The following PDZRN3 variants were observed in gnomAD, a reference collection of about 807,000 sequenced individuals.
PDZRN3 encodes the protein E3 ubiquitin-protein ligase PDZRN3.
A neutral mutation model predicts 85.7 loss-of-function variants in PDZRN3; 38 were observed. The observed-to-expected ratio is 0.44, with a 90% confidence interval of 0.34 to 0.58. PDZRN3 has a LOEUF of 0.58. PDZRN3 is among the 20% of genes least tolerant of loss of function. PDZRN3 has a pLI of 0.01. For missense variants in PDZRN3, 1,629 were observed against 1,506.4 expected, an observed-to-expected ratio of 1.08 and a Z score of -1.35; for synonymous variants, 759 against 638.0, an observed-to-expected ratio of 1.19 and a Z score of -2.86.
At chr3:73,554,980 G>GA (rs1254401318) in intron 3 of PDZRN3, among the ~76,000 whole-genome samples, 3 of 152,200 alleles carry the variant, frequency 2.0e-5, no homozygotes, top group Non-Finnish European at 2.9e-5. Flanking sequence ...GCAGGGAAGG[G>GA]ACCAGATTCC....
intron 3 of PDZRN3, among the ~76,000 whole-genome samples, chr3:73,441,290 G>A (rs1369161375): frequency 6.6e-6 from 1 of 151,244 alleles, no homozygotes; most frequent in African/African-American, 2.4e-5. Flanking sequence ...GAGCATGCCT[G>A]TAATCCCAGC....
intron 1 of PDZRN3, among the ~76,000 whole-genome samples, chr3:73,610,486 A>T (rs1193111027): frequency 6.6e-6 from 1 of 152,214 alleles, no homozygotes; most frequent in African/African-American, 2.4e-5. Flanking sequence ...AATCAACCTA[A>T]TAGTTTTGAG....
chr3:73,408,301 A>G (rs113211545), intron 3 of PDZRN3: 2 of 687,750 alleles, frequency 2.9e-6, no homozygotes, highest in South Asian at 3.1e-5. Flanking sequence ...AGGGTAATAT[A>G]AAGTTTAGAT....
intron 3 of PDZRN3, among the ~76,000 whole-genome samples, chr3:73,509,931 C>A (rs924528140): frequency 6.6e-6 from 1 of 152,152 alleles, no homozygotes; most frequent in African/African-American, 2.4e-5. Context: ...TGAAAGCAAT[C>A]GTTGCAAATG....
Position 73,389,800 on chromosome 3 carries a change from T to C in PDZRN3, c.1416+16A>G. 1.9e-6 allele frequency: 3 copies of C among 1,596,714 alleles called. No homozygotes were observed. The highest frequency in any genetic ancestry group is 2.6e-6 in the Non-Finnish European group (3 of 1,164,132). On this transcript the variant is annotated intron_variant, in intron 7 of 9. Coordinates refer to ENST00000263666, the MANE Select transcript of PDZRN3 (RefSeq NM_015009.3). Reference sequence around the variant, plus strand: ...GATAGGCCCATCATGAGGCCATTGTTTGGAAGTGGACTTACCTGGATAATG... The same window carrying C: ...GATAGGCCCATCATGAGGCCATTGTCTGGAAGTGGACTTACCTGGATAATG...
chr3:73,512,892 C>G (rs1363201831), intron 3 of PDZRN3, among the ~76,000 whole-genome samples: 1 of 152,136 alleles, frequency 6.6e-6, no homozygotes. Flanking sequence ...AAAGCCATTT[C>G]TGTACATTTT....
chr3:73,503,005 G>GA (rs1401583189), intron 3 of PDZRN3, among the ~76,000 whole-genome samples: 2 of 152,334 alleles, frequency 1.3e-5, no homozygotes, highest in East Asian at 3.9e-4. Context: ...TTCTGGGGCT[G>GA]TGTATATGAA....
intron 3 of PDZRN3, among the ~76,000 whole-genome samples, chr3:73,443,578 C>T (rs551525523): frequency 7.4e-5 from 11 of 148,304 alleles, no homozygotes; most frequent in East Asian, 5.9e-4. Flanking sequence ...ACTGAACTCT[C>T]GGGCTCAAGC....
chr3:73,461,369 C>T (rs780066008), intron 3 of PDZRN3, among the ~76,000 whole-genome samples: 1 of 152,198 alleles, frequency 6.6e-6, no homozygotes, highest in Non-Finnish European at 1.5e-5. Context: ...GAATGTGCAG[C>T]ATGAGTTTGG....
intron 3 of PDZRN3, among the ~76,000 whole-genome samples, chr3:73,537,786 ATT>A (rs11387585): frequency 1.3e-4 from 18 of 137,176 alleles, no homozygotes; most frequent in Admixed American, 2.9e-4. Flanking sequence ...CACCCGGCTA[ATT>A]TTTTTTTTTT....
chr3:73,595,455 A>T (rs1337650075), intron 3 of PDZRN3, among the ~76,000 whole-genome samples: 2 of 152,192 alleles, frequency 1.3e-5, no homozygotes, highest in Admixed American at 1.3e-4. Flanking sequence ...CCAAAAATGG[A>T]TTATGCATAT....
intron 3 of PDZRN3, among the ~76,000 whole-genome samples, chr3:73,586,261 C>T (rs1294399391): frequency 1.3e-5 from 2 of 152,260 alleles, no homozygotes; most frequent in East Asian, 1.9e-4. Flanking sequence ...TATTTTAACC[C>T]GCTGCTATTC....
intron 3 of PDZRN3, among the ~76,000 whole-genome samples, chr3:73,559,058 A>G (rs962212912): frequency 1.3e-5 from 2 of 152,224 alleles, no homozygotes; most frequent in Non-Finnish European, 2.9e-5. Context: ...CCTACCCTCA[A>G]TAAGACCCCA....
intron 3 of PDZRN3, among the ~76,000 whole-genome samples, chr3:73,565,985 T>C (rs1398292913): frequency 6.6e-6 from 1 of 152,168 alleles, no homozygotes; most frequent in Non-Finnish European, 1.5e-5. Context: ...TGAAATAAAC[T>C]GGATACCTTT....
intron 3 of PDZRN3, among the ~76,000 whole-genome samples, chr3:73,573,506 C>T (rs1349717575): frequency 2.0e-5 from 3 of 152,174 alleles, no homozygotes; most frequent in Non-Finnish European, 4.4e-5. Context: ...CAAAGCCATG[C>T]TCATCCAGTC....
At chr3:73,571,324 C>G (rs1322218300) in intron 3 of PDZRN3, among the ~76,000 whole-genome samples, 3 of 152,168 alleles carry the variant, frequency 2.0e-5, no homozygotes, top group African/African-American at 7.2e-5. Flanking sequence ...ATTCAGTATT[C>G]CCACCATAAA....
intron 4 of PDZRN3, 55 bp from the exon 5 acceptor site, chr3:73,401,064 T>C (rs2106720144): frequency 7.6e-7 from 1 of 1,312,882 alleles, no homozygotes; most frequent in Non-Finnish European, 1.1e-6. Flanking sequence ...GTATCTGTTT[T>C]TCTTACACCC....
intron 5 of PDZRN3, among the ~76,000 whole-genome samples, chr3:73,392,606 C>T (rs143054303): frequency 3.3e-5 from 5 of 152,290 alleles, no homozygotes; most frequent in East Asian, 1.9e-4. Flanking sequence ...AGAAAGTCCA[C>T]GGTCACCAGT....
chr3:73,510,879 T>A (rs1704151480), intron 3 of PDZRN3, among the ~76,000 whole-genome samples: 1 of 152,142 alleles, frequency 6.6e-6, no homozygotes, highest in Admixed American at 6.5e-5. Flanking sequence ...ATGCATGTGG[T>A]CTCTTTCTCA....
Sources: allele counts gnomAD v4.1 joint callset (sites outside exome capture counted in the v4.1 genomes callset), GRCh38; gene constraint gnomAD v4.1.1; transcripts MANE v1.5; gene names NCBI Gene and HGNC (gene_info 2026-07-23, HGNC 2026-07-21).